The following ADAMTS2 variants were observed in gnomAD, a reference collection of about 807,000 sequenced individuals.
The protein encoded by ADAMTS2 is ADAM metallopeptidase with thrombospondin type 1 motif 2.
ADAMTS2 carries 50 observed loss-of-function variants against 123.0 expected under a neutral mutation model. The ratio of observed to expected loss-of-function variants is 0.41; its 90% CI spans 0.32 to 0.51. The LOEUF is 0.51. Among genes scored for constraint, ADAMTS2 ranks in the 20% least tolerant of loss-of-function variants. The pLI, the probability that ADAMTS2 is intolerant of heterozygous loss-of-function variation, is 0.35. For missense variants in ADAMTS2, 1,494 were observed against 1,705.2 expected (o/e 0.88, Z 2.18); for synonymous variants, 678 against 695.4 (o/e 0.98, Z 0.39).
intron 3 of ADAMTS2, among the ~76,000 whole-genome samples, chr5:179,245,211 G>A (rs1339315300): frequency 2.0e-5 from 3 of 152,080 alleles, no homozygotes; most frequent in Non-Finnish European, 4.4e-5. Context: ...CATAAAAGAC[G>A]AAGGACAGAA....
chr5:179,171,990 C>T (rs188907159), intron 5 of ADAMTS2, among the ~76,000 whole-genome samples: 22 of 152,250 alleles, frequency 1.4e-4, no homozygotes, highest in Admixed American at 8.5e-4. Context: ...CCACTGAGCC[C>T]TCGGGGCCGG....
intron 13 of ADAMTS2, among the ~76,000 whole-genome samples, chr5:179,134,254 C>T (rs10464083): frequency 1.3e-5 from 2 of 152,006 alleles, no homozygotes; most frequent in South Asian, 2.1e-4. Context: ...GGAGAGACTA[C>T]ACCTCCCAGG....
chr5:179,148,796 G>T (rs1763299551), intron 10 of ADAMTS2, among the ~76,000 whole-genome samples: 1 of 152,054 alleles, frequency 6.6e-6, no homozygotes, highest in South Asian at 2.1e-4. Flanking sequence ...GGCAGTCTGA[G>T]CCACGTGGGG....
At chr5:179,150,392 G>A (rs978029318) in intron 10 of ADAMTS2, among the ~76,000 whole-genome samples, 8 of 152,182 alleles carry the variant, frequency 5.3e-5, no homozygotes, top group African/African-American at 9.7e-5. Flanking sequence ...AACTCACTTC[G>A]GACTTCTAAC....
At chr5:179,343,511 CG>C (rs1561775193) in intron 2 of ADAMTS2, among the ~76,000 whole-genome samples, 1 of 152,242 alleles carries the variant, frequency 6.6e-6, no homozygotes, top group Non-Finnish European at 1.5e-5. Flanking sequence ...AAGAGAGAGG[CG>C]CACGCTCCTG....
chr5:179,309,478 T>G (rs1756763623), intron 2 of ADAMTS2, among the ~76,000 whole-genome samples: 1 of 152,094 alleles, frequency 6.6e-6, no homozygotes, highest in Non-Finnish European at 1.5e-5. Context: ...CTCCAGACAC[T>G]GCAGAAAGCT....
At chr5:179,168,787 G>A (rs1033994126) in intron 5 of ADAMTS2, among the ~76,000 whole-genome samples, 1 of 152,186 alleles carries the variant, frequency 6.6e-6, no homozygotes, top group Non-Finnish European at 1.5e-5. Flanking sequence ...CCAGCTGAGT[G>A]CAAAGTGGGC....
At chr5:179,336,715 G>A (rs1005233475) in intron 2 of ADAMTS2, among the ~76,000 whole-genome samples, 1 of 152,218 alleles carries the variant, frequency 6.6e-6, no homozygotes, top group Non-Finnish European at 1.5e-5. Flanking sequence ...TGCCACTGAA[G>A]TGCGTGCGGA....
At chr5:179,220,388 G>A (rs1353819248) in intron 3 of ADAMTS2, among the ~76,000 whole-genome samples, 2 of 152,108 alleles carry the variant, frequency 1.3e-5, no homozygotes, top group Non-Finnish European at 2.9e-5. Flanking sequence ...TCACCAGTCC[G>A]GTACATGCTC....
chr5:179,289,235 C>A (rs1157106458), intron 2 of ADAMTS2, among the ~76,000 whole-genome samples: 1 of 152,144 alleles, frequency 6.6e-6, no homozygotes, highest in African/African-American at 2.4e-5. Flanking sequence ...AAGGTGCTTT[C>A]GGTGGTCAAA....
intron 4 of ADAMTS2, among the ~76,000 whole-genome samples, chr5:179,192,161 G>C (rs951764234): frequency 2.0e-5 from 3 of 152,210 alleles, no homozygotes; most frequent in African/African-American, 7.2e-5. Flanking sequence ...CAGAGACTGA[G>C]AAGGCATGAC....
At chr5:179,191,279 G>A (rs1028608113) in intron 4 of ADAMTS2, among the ~76,000 whole-genome samples, 2 of 152,152 alleles carry the variant, frequency 1.3e-5, no homozygotes, top group South Asian at 2.1e-4. Flanking sequence ...TGAGCTTGTC[G>A]GCTGTCCCTG....
chr5:179,230,044 A>G (rs568451876), intron 3 of ADAMTS2, among the ~76,000 whole-genome samples: 1 of 152,352 alleles, frequency 6.6e-6, no homozygotes, highest in East Asian at 1.9e-4. Flanking sequence ...CCTCTCATGG[A>G]AATCTGTTTT....
chr5:179,301,667 T>C (rs530772509), intron 2 of ADAMTS2, among the ~76,000 whole-genome samples: 9 of 152,310 alleles, frequency 5.9e-5, no homozygotes, highest in African/African-American at 2.2e-4. Context: ...GGGAGAGAAG[T>C]GGGTTTCAAG....
At chr5:179,133,527 C>T (rs923202530) in intron 13 of ADAMTS2, among the ~76,000 whole-genome samples, 1 of 152,010 alleles carries the variant, frequency 6.6e-6, no homozygotes, top group African/African-American at 2.4e-5. Context: ...GCCTTGGCCT[C>T]CCAAAGTGCT....
intron 2 of ADAMTS2, among the ~76,000 whole-genome samples, chr5:179,337,926 G>T (rs1735952894): frequency 6.6e-6 from 1 of 151,606 alleles, no homozygotes; most frequent in South Asian, 2.1e-4. Context: ...AGCAGGCCTG[G>T]GTGAGGACCT....
At chr5:179,137,048 C>T (rs1217515248) in intron 12 of ADAMTS2, among the ~76,000 whole-genome samples, 1 of 152,188 alleles carries the variant, frequency 6.6e-6, no homozygotes, top group Non-Finnish European at 1.5e-5. Flanking sequence ...GATTCAGACT[C>T]AGGTCCCTGG....
At chr5:179,174,098 C>T (rs888896746) in intron 5 of ADAMTS2, among the ~76,000 whole-genome samples, 5 of 152,034 alleles carry the variant, frequency 3.3e-5, no homozygotes, top group African/African-American at 4.8e-5. Context: ...TATCTGTACT[C>T]ATACTCAAAG....
chr5:179,137,974 C>G (rs1424779139), intron 11 of ADAMTS2, 30 bp from the exon 12 acceptor site: 1 of 1,539,368 alleles, frequency 6.5e-7, no homozygotes, highest in South Asian at 1.2e-5. Context: ...CCTTGCCGCT[C>G]CGTGCCATTG....
Sources: gnomAD v4.1 joint callset for allele counts (sites outside exome capture counted in the v4.1 genomes callset) on GRCh38, gnomAD v4.1.1 for gene constraint, MANE v1.5 for transcripts, NCBI Gene and HGNC (gene_info 2026-07-23, HGNC 2026-07-21) for gene names.